The following ZNF423 variants were observed in gnomAD, a reference collection of about 807,000 sequenced individuals.
ZNF423 encodes the protein Ebf-associated zinc finger protein.
Under a neutral mutation model 95.8 loss-of-function variants are expected in ZNF423, and 12 were observed. That is an observed-to-expected ratio of 0.13 (90% CI 0.08 to 0.20). The LOEUF is 0.20. ZNF423 is among the 10% of genes least tolerant of loss of function. The pLI is 1.00. For synonymous variants in ZNF423, 749 were observed against 711.9 expected, an observed-to-expected ratio of 1.05 and a Z score of -0.83; for missense variants, 1,316 against 1,737.1, an observed-to-expected ratio of 0.76 and a Z score of 4.31.
At chr16:49,800,354 A>G (rs1038262382) in intron 1 of ZNF423, among the ~76,000 whole-genome samples, 1 of 152,014 alleles carries the variant, frequency 6.6e-6, no homozygotes, top group African/African-American at 2.4e-5. Flanking sequence ...AGTTTTCTCT[A>G]AGTACTAGGA....
At chr16:49,681,754 T>C (rs2031366459) in intron 3 of ZNF423, among the ~76,000 whole-genome samples, 1 of 152,234 alleles carries the variant, frequency 6.6e-6, no homozygotes, top group Non-Finnish European at 1.5e-5. Context: ...TGGCCTTTCA[T>C]ATTATGATTT....
rs115537590 is a variant in ZNF423 at position 49,785,883 on chromosome 16, A to G, written c.100+3604T>C. 8.4e-3 allele frequency among the ~76,000 whole-genome samples: 1,275 copies of G among 152,366 alleles called. 19 individuals are homozygous for G. Among genetic ancestry groups the G allele is most frequent in the African/African-American group, 0.028 (1,177 of 41,576 alleles). ...CAAGGCAGGAGAAGTTGGGGTTGGC[A>G]GGAGAAGAAGAATGACCCACGAACT... On this transcript the variant is annotated intron_variant, in intron 2 of 7. Transcript: ENST00000563137.
chr16:49,598,082 C>T (rs542484900), intron 5 of ZNF423, among the ~76,000 whole-genome samples: 20 of 152,172 alleles, frequency 1.3e-4, no homozygotes, highest in African/African-American at 4.8e-4. Context: ...AACCTCCTTC[C>T]CTGGGTAGTA....
intron 7 of ZNF423, among the ~76,000 whole-genome samples, chr16:49,498,177 A>G (rs1390405165): frequency 2.0e-5 from 3 of 152,160 alleles, no homozygotes; most frequent in African/African-American, 4.8e-5. Flanking sequence ...ACCTCCACCC[A>G]TATTAGCTCA....
intron 1 of ZNF423, among the ~76,000 whole-genome samples, chr16:49,849,668 G>A (rs1221994782): frequency 2.6e-5 from 4 of 152,124 alleles, no homozygotes; most frequent in African/African-American, 9.7e-5. Context: ...GCAAGAGGGA[G>A]GGGAGGTAAA....
chr16:49,664,328 G>C (rs975735597), intron 3 of ZNF423: 1 of 978,612 alleles, frequency 1.0e-6, no homozygotes, highest in African/African-American at 1.7e-5. Flanking sequence ...GGAGGACCCA[G>C]CTAGCGGGAG....
intron 5 of ZNF423, among the ~76,000 whole-genome samples, chr16:49,606,180 G>T (rs1971530465): frequency 6.6e-6 from 1 of 152,210 alleles, no homozygotes. Context: ...CTATGGGAAA[G>T]TCCCATCCTT....
chr16:49,778,171 G>A (rs1434095193), intron 2 of ZNF423, among the ~76,000 whole-genome samples: 1 of 152,190 alleles, frequency 6.6e-6, no homozygotes, highest in Non-Finnish European at 1.5e-5. Context: ...GCCAGGTTCA[G>A]CATAATCTCA....
chr16:49,799,168 C>G (rs1256951753), intron 1 of ZNF423, among the ~76,000 whole-genome samples: 1 of 152,164 alleles, frequency 6.6e-6, no homozygotes, highest in Non-Finnish European at 1.5e-5. Flanking sequence ...TCTTCTGTCT[C>G]TGTAAAATGG....
chr16:49,592,743 T>A (rs1011416832), intron 5 of ZNF423, among the ~76,000 whole-genome samples: 20 of 152,294 alleles, frequency 1.3e-4, no homozygotes, highest in Admixed American at 6.5e-4. Context: ...AGCAAAGGTG[T>A]GTGATGCCCC....
intron 2 of ZNF423, among the ~76,000 whole-genome samples, chr16:49,762,283 G>T (rs1263264953): frequency 6.6e-6 from 1 of 152,160 alleles, no homozygotes; most frequent in Non-Finnish European, 1.5e-5. Flanking sequence ...ACGTCCCCCA[G>T]CGCCCCAGAA....
intron 3 of ZNF423, among the ~76,000 whole-genome samples, chr16:49,720,721 T>C (rs2032840993): frequency 6.6e-6 from 1 of 152,256 alleles, no homozygotes; most frequent in Non-Finnish European, 1.5e-5. Flanking sequence ...TGGCATTTCA[T>C]TGCACTCTTT....
chr16:49,604,569 C>T (rs575207395), intron 5 of ZNF423, among the ~76,000 whole-genome samples: 3 of 152,284 alleles, frequency 2.0e-5, no homozygotes, highest in African/African-American at 7.2e-5. Context: ...CTAAACCTCA[C>T]TCTATTTCTG....
At chr16:49,702,929 A>G (rs935557722) in intron 3 of ZNF423, among the ~76,000 whole-genome samples, 15 of 151,900 alleles carry the variant, frequency 9.9e-5, no homozygotes, top group African/African-American at 1.9e-4. Context: ...ACACACACAC[A>G]CACACACACA....
At chr16:49,632,513 G>C (rs1477315298) in intron 4 of ZNF423, among the ~76,000 whole-genome samples, 1 of 152,102 alleles carries the variant, frequency 6.6e-6, no homozygotes, top group Non-Finnish European at 1.5e-5. Context: ...CAGGCAGGCA[G>C]AGCCATGATT....
At chr16:49,649,684 G>A (rs922300049) in intron 3 of ZNF423, among the ~76,000 whole-genome samples, 1 of 151,730 alleles carries the variant, frequency 6.6e-6, no homozygotes, top group African/African-American at 2.4e-5. Context: ...GAGAGAGAGA[G>A]AGAGAGAGAA....
chr16:49,820,127 C>T (rs1392818885), intron 1 of ZNF423, among the ~76,000 whole-genome samples: 1 of 151,812 alleles, frequency 6.6e-6, no homozygotes, highest in Non-Finnish European at 1.5e-5. Context: ...GACAGACGGA[C>T]GGACGGACAG....
chr16:49,508,123 G>T (rs1169152644), intron 7 of ZNF423, among the ~76,000 whole-genome samples: 1 of 152,184 alleles, frequency 6.6e-6, no homozygotes, highest in Non-Finnish European at 1.5e-5. Flanking sequence ...GAGGCATTGT[G>T]AGGATCAAAT....
At chr16:49,529,755 T>C (rs929965023) in intron 5 of ZNF423, among the ~76,000 whole-genome samples, 2 of 152,046 alleles carry the variant, frequency 1.3e-5, no homozygotes, top group African/African-American at 4.8e-5. Flanking sequence ...TGGGCACACA[T>C]TCGGAGGCCA....
Sources: gnomAD v4.1 joint callset for allele counts (sites outside exome capture counted in the v4.1 genomes callset) on GRCh38, gnomAD v4.1.1 for gene constraint, MANE v1.5 for transcripts, NCBI Gene and HGNC (gene_info 2026-07-23, HGNC 2026-07-21) for gene names.